Variants in BBS12 observed in about 807,000 individuals in gnomAD.
BBS12 encodes chaperonin-containing T-complex member BBS12.
A neutral mutation model predicts 5.6 loss-of-function variants in BBS12; 5 were observed. That is an observed-to-expected ratio of 0.89 (90% CI 0.46 to 1.86). The LOEUF (loss-of-function observed/expected upper bound fraction) is 1.86, where lower values mean the gene tolerates loss of function less well. Ranked by LOEUF, BBS12 falls within the 40% of genes most tolerant of loss-of-function variation. The probability of loss-of-function intolerance (pLI) is 0.01; values close to 1 mark genes in which losing one functional copy is unlikely to be tolerated. For missense variants in BBS12, 748 were observed against 830.4 expected (o/e 0.90, Z 1.22); for synonymous variants, 308 against 306.8 (o/e 1.00, Z -0.04).
the BBS12 span, among the ~76,000 whole-genome samples, chr4:122,722,078 T>C: frequency 6.6e-6 from 1 of 152,078 alleles, no homozygotes; most frequent in Non-Finnish European, 1.5e-5. Context: ...CATATCTAAA[T>C]CCACAATCCT....
the BBS12 span, among the ~76,000 whole-genome samples, chr4:122,706,177 T>C: frequency 6.6e-6 from 1 of 152,038 alleles, no homozygotes; most frequent in Admixed American, 6.6e-5. Flanking sequence ...CTCTGCACTT[T>C]CTCTCTCTCT....
intron 1 of BBS12, among the ~76,000 whole-genome samples, chr4:122,740,131 G>A (rs1476941311): frequency 6.6e-6 from 1 of 152,048 alleles, no homozygotes; most frequent in Admixed American, 6.6e-5. Flanking sequence ...AAATTAGCCG[G>A]GTATGGTGGC....
the BBS12 span, among the ~76,000 whole-genome samples, chr4:122,706,645 C>T: frequency 4.6e-5 from 7 of 152,246 alleles, no homozygotes; most frequent in African/African-American, 1.4e-4. Flanking sequence ...TTCCTATGTT[C>T]CAACTGTGGA....
chr4:122,734,779 GT>G (rs895321432), intron 1 of BBS12, among the ~76,000 whole-genome samples: 5 of 152,004 alleles, frequency 3.3e-5, no homozygotes, highest in African/African-American at 7.2e-5. Flanking sequence ...TAGTTAAAAT[GT>G]TTTTTTAATT....
chr4:122,723,238 G>A, the BBS12 span, among the ~76,000 whole-genome samples: 15 of 152,038 alleles, frequency 9.9e-5, no homozygotes, highest in Non-Finnish European at 1.8e-4. Context: ...TGTAGGTTCC[G>A]GTAACAAGTT....
intron 1 of BBS12, among the ~76,000 whole-genome samples, chr4:122,741,526 T>A (rs1023173236): frequency 6.6e-6 from 1 of 152,228 alleles, no homozygotes; most frequent in African/African-American, 2.4e-5. Flanking sequence ...CCAGGCTACT[T>A]CTATTTCCCT....
At chr4:122,701,448 T>C in the BBS12 span, among the ~76,000 whole-genome samples, 17 of 152,072 alleles carry the variant, frequency 1.1e-4, no homozygotes, top group African/African-American at 4.1e-4. Context: ...TCAAAAGACC[T>C]ACGTTTTATA....
chr4:122,725,046 T>C, the BBS12 span, among the ~76,000 whole-genome samples: 1 of 152,170 alleles, frequency 6.6e-6, no homozygotes, highest in South Asian at 2.1e-4. Context: ...ATATGGCCAT[T>C]ATGAGACTAA....
rs746478265 is a variant in BBS12, at chr4:122,743,944, TCAGA to T, written c.2060_2063del (p.Asp687ValfsTer3). The T allele has an allele frequency of 1.9e-6, 3 of 1,612,798 alleles. No individual in the cohort carries two copies. The highest frequency in any genetic ancestry group is 4.5e-5 in the East Asian group (2 of 44,876). On this transcript the variant is annotated frameshift_variant, in exon 2 of 2. Coordinates refer to ENST00000314218, the MANE Select transcript of BBS12 (RefSeq NM_152618.3). LOFTEE classifies it high-confidence loss of function. ...CATTGGATTTAGTATTGTTAGTACT[TCAGA>T]CAGACAGTGAAATAATTACTGGACA...
chr4:122,711,359 GAAAAA>G, the BBS12 span, among the ~76,000 whole-genome samples: 23,592 of 135,098 alleles, frequency 0.17, 2,380 homozygotes, highest in Non-Finnish European at 0.25. Flanking sequence ...ATCCTGATTG[GAAAAA>G]AAAAAAAAAA....
chr4:122,725,508 T>C, the BBS12 span, among the ~76,000 whole-genome samples: 1 of 151,990 alleles, frequency 6.6e-6, no homozygotes, highest in Non-Finnish European at 1.5e-5. Context: ...AAACATAAAG[T>C]GGGGAAAGGA....
At chr4:122,734,642 A>G (rs1800759157) in intron 1 of BBS12, among the ~76,000 whole-genome samples, 1 of 152,152 alleles carries the variant, frequency 6.6e-6, no homozygotes, top group Non-Finnish European at 1.5e-5. Flanking sequence ...TATATACTCA[A>G]CCCAATCCTA....
At chr4:122,701,312 C>A in the BBS12 span, among the ~76,000 whole-genome samples, 9 of 152,234 alleles carry the variant, frequency 5.9e-5, no homozygotes, top group East Asian at 1.7e-3. Context: ...AGTCCATACC[C>A]GATAATTATG....
chr4:122,719,547 C>T, the BBS12 span, among the ~76,000 whole-genome samples: 3 of 152,066 alleles, frequency 2.0e-5, no homozygotes, highest in African/African-American at 7.2e-5. Flanking sequence ...CATGAACCCA[C>T]CAGGAGGAAC....
At chr4:122,735,489 T>C (rs1800772347) in intron 1 of BBS12, among the ~76,000 whole-genome samples, 1 of 152,182 alleles carries the variant, frequency 6.6e-6, no homozygotes, top group Admixed American at 6.5e-5. Context: ...CTGACCACCA[T>C]ATGAAGGAGG....
chr4:122,728,158 T>C (rs1800648532), upstream of BBS12, among the ~76,000 whole-genome samples: 1 of 152,204 alleles, frequency 6.6e-6, no homozygotes, highest in Admixed American at 6.5e-5. Context: ...ACCCAATCAC[T>C]TCATTTGTGA....
chr4:122,712,748 G>A, the BBS12 span, among the ~76,000 whole-genome samples: 1 of 152,206 alleles, frequency 6.6e-6, no homozygotes, highest in Non-Finnish European at 1.5e-5. Context: ...GGAGGTATAA[G>A]TTGTGTAAAG....
In BBS12 at chr4:122,744,517, G is replaced by A. The variant is rs1015575914; in HGVS notation, c.*492G>A. 1 of 171,530 alleles carries A rather than the reference G, an allele frequency of 5.8e-6. No individual in the cohort carries two copies. The highest frequency in any genetic ancestry group is 6.4e-5 in the Admixed American group (1 of 15,744). The allele number at this position is 171,530 out of a possible 1,614,324, so 10.6% of individuals were successfully genotyped here. A position where few individuals can be genotyped will look rare whatever the true frequency, so the allele number is the denominator to read the frequency against. Reference sequence around the variant, plus strand: ...AAACACAAGCCTAGGACATGGACTAGGTAAAGACAAAGTCCTTGCATTCTT... The same window carrying A: ...AAACACAAGCCTAGGACATGGACTAAGTAAAGACAAAGTCCTTGCATTCTT... On this transcript the variant is annotated 3_prime_UTR_variant, in exon 2 of 2. Coordinates refer to ENST00000314218, the MANE Select transcript of BBS12 (RefSeq NM_152618.3).
Position 122,742,129 on chromosome 4 carries a change from C to T in BBS12, c.237C>T (p.Asn79=), listed in dbSNP as rs373273487. 31 of 1,613,978 alleles carry T rather than the reference C, an allele frequency of 1.9e-5. No individual in the cohort carries two copies. The highest frequency in any genetic ancestry group is 2.4e-5 in the Non-Finnish European group (28 of 1,180,036). Residue 79 remains asparagine (N), a synonymous_variant, in exon 2 of 2, where the codon AAC becomes AAT. Coordinates refer to ENST00000314218, the MANE Select transcript of BBS12 (RefSeq NM_152618.3). ...LLNEAVQAQN[N]TYRTGISTLL... is the part of the protein sequence containing the mutation. ...ATGAAGCAGTTCAAGCACAAAACAA[C>T]ACATATAGAACTGGAATCAGTACTC...
Sources: gnomAD v4.1 joint callset for allele counts (sites outside exome capture counted in the v4.1 genomes callset) on GRCh38, gnomAD v4.1.1 for gene constraint, MANE v1.5 for transcripts, NCBI Gene and HGNC (gene_info 2026-07-23, HGNC 2026-07-21) for gene names.